SFR1: variants seen among roughly 807,000 people sequenced by gnomAD.
SFR1 encodes the protein SWI5 dependent homologous recombination repair protein 1.
A neutral mutation model predicts 26.2 loss-of-function variants in SFR1; 24 were observed. The ratio of observed to expected loss-of-function variants is 0.92; its 90% confidence interval spans 0.66 to 1.29. The LOEUF (loss-of-function observed/expected upper bound fraction) is 1.29, where lower values mean the gene tolerates loss of function less well. Ranked by LOEUF, SFR1 falls within the 50% of genes most tolerant of loss-of-function variation. SFR1 has a pLI of 0.00. For missense variants in SFR1, 276 were observed against 270.2 expected (o/e 1.02, Z -0.15); for synonymous variants, 77 against 96.6 (o/e 0.80, Z 1.19).
At chr10:104,123,633 A>C in intron 2 of SFR1, 81 bp from the exon 3 acceptor site, 6 of 1,139,738 alleles carry the variant, frequency 5.3e-6, no homozygotes, top group Non-Finnish European at 7.3e-6. Flanking sequence ...ATAGAAATGG[A>C]AGGACTTTAT....
At position 104,125,976 on chromosome 10, in the gene SFR1, G is replaced by A. The variant is rs2087023576; in HGVS notation, c.*272G>A. The A allele has an allele frequency of 4.4e-6, 1 of 228,256 alleles. No individual in the cohort carries two copies. Among genetic ancestry groups the A allele is most frequent in the Non-Finnish European group, 8.7e-6 (1 of 114,370 alleles). The allele number at this position is 228,256 out of a possible 1,614,324, so 14.1% of individuals were successfully genotyped here. ...AGACTGGGTTTCACCACGTTGGCCA[G>A]GCTGGTCTCGAACTCCTGACCTCAG... On this transcript the variant is annotated 3_prime_UTR_variant, in exon 4 of 4. Coordinates refer to ENST00000369727, the MANE Select transcript of SFR1 (RefSeq NM_001002759.2).
Position 104,124,076 on chromosome 10 carries a change from A to G in SFR1, c.498A>G (p.Lys166=), listed in dbSNP as rs750715117. 11 of 1,613,452 alleles carry G rather than the reference A, an allele frequency of 6.8e-6. No homozygotes were observed. Among genetic ancestry groups the G allele is most frequent in the East Asian group, 2.2e-5 (1 of 44,858 alleles). Residue 166 remains lysine, a synonymous_variant, in exon 3 of 4, where the codon AAA becomes AAG. Transcript: ENST00000369727. The part of the protein sequence containing the change: ...KAKLVKQVQE[K]EDLLRRLKLV... Reference sequence around the variant, plus strand: ...AATTGGTGAAGCAGGTTCAGGAGAAAGAAGACCTTCTTCGGAGGCTAAAAC... The same window carrying G: ...AATTGGTGAAGCAGGTTCAGGAGAAGGAAGACCTTCTTCGGAGGCTAAAAC...
chr10:104,121,717 G>A (rs1164261802), upstream of SFR1, among the ~76,000 whole-genome samples: 1 of 152,202 alleles, frequency 6.6e-6, no homozygotes, highest in Non-Finnish European at 1.5e-5. Flanking sequence ...GGTGGGGAGA[G>A]GCACTTTCAG....
chr10:104,122,927 G>T, intron 1 of SFR1, 38 bp from the exon 2 acceptor site: 1 of 1,605,660 alleles, frequency 6.2e-7, no homozygotes. Context: ...ATAGAGAGGT[G>T]TGGTTAATTC....
chr10:104,125,026 C>G (rs769431786), intron 3 of SFR1, among the ~76,000 whole-genome samples: 11 of 152,140 alleles, frequency 7.2e-5, no homozygotes, highest in Non-Finnish European at 1.3e-4. Flanking sequence ...TAGTCTTGAA[C>G]TCCTGGGCTC....
At chr10:104,122,223 C>G (rs1483377184) in intron 1 of SFR1, 27 bp downstream of exon 1, 2 of 1,532,264 alleles carry the variant, frequency 1.3e-6, no homozygotes, top group African/African-American at 2.8e-5. Flanking sequence ...AAGGGGGGAT[C>G]CCTGACACCT....
chr10:104,125,451 C>T, intron 3 of SFR1, 62 bp from the exon 4 acceptor site: 1 of 1,369,822 alleles, frequency 7.3e-7, no homozygotes, highest in East Asian at 2.3e-5. Flanking sequence ...AATTTAACAA[C>T]TTTAATTAAG....
upstream of SFR1, chr10:104,122,164 C>T (rs904891849): frequency 5.2e-6 from 8 of 1,548,704 alleles, no homozygotes; most frequent in South Asian, 4.8e-5. Flanking sequence ...GGTGCGCGCG[C>T]TTTTTTGCTC....
At chr10:104,120,808 C>A (rs2134696547), upstream of SFR1, among the ~76,000 whole-genome samples, 1 of 152,306 alleles carries the variant, frequency 6.6e-6, no homozygotes, top group South Asian at 2.1e-4. Context: ...CGCCCCTAAT[C>A]ATTCCCTTAG....
At chr10:104,123,514 C>G (rs999148) in intron 2 of SFR1, among the ~76,000 whole-genome samples, 200 bp from the exon 3 acceptor site, 1 of 152,140 alleles carries the variant, frequency 6.6e-6, no homozygotes, top group East Asian at 1.9e-4. Flanking sequence ...AGGTGTTGAT[C>G]TTGCTGAAGT....
At position 104,122,863 on chromosome 10, in the gene SFR1, T is replaced by TAA. The variant is rs1385357935; in HGVS notation, c.14-101_14-100insAA. 5 of 1,559,788 alleles carry TAA rather than the reference T, an allele frequency of 3.2e-6. No homozygotes were observed. The African/African-American group carries it at 6.8e-5, about 21-fold the overall frequency. Reference sequence around the variant, plus strand: ...GTGAAATTAGAAGAAATATCTGGCTTACTTGTGGATGCTTTGTACACCAAT... The same window carrying TAA: ...GTGAAATTAGAAGAAATATCTGGCTTAAACTTGTGGATGCTTTGTACACCAAT... On this transcript the variant is annotated intron_variant, in intron 1 of 3. Transcript: ENST00000369727.
intron 3 of SFR1, among the ~76,000 whole-genome samples, 189 bp downstream of exon 3, chr10:104,124,313 CTTTTTAAGAA>C (rs1282924116): frequency 6.6e-6 from 1 of 151,916 alleles, no homozygotes; most frequent in Non-Finnish European, 1.5e-5. Flanking sequence ...CCAGGTAAAA[CTTTTTAAGAA>C]TCTCAGCTCT....
At position 104,124,000 on chromosome 10, in the gene SFR1, A is replaced by G. The variant is rs1446030384; in HGVS notation, c.422A>G (p.Glu141Gly). ...DSGSCSALQN[E>G]FVSEKLPKQR... is the part of the protein sequence containing the mutation. ...GGATCATGCAGTGCTCTCCAAAATG[A>G]GTTTGTGAGTGAGAAGCTTCCTAAA... Residue 141 changes from glutamate to glycine, a missense_variant, in exon 3 of 4, where the codon GAG (glutamate) becomes GGG (glycine). Physicochemically the swap from Glu to Gly is moderately conservative, Grantham distance 98. Coordinates refer to ENST00000369727, the MANE Select transcript of SFR1 (RefSeq NM_001002759.2). The G allele has an allele frequency of 1.2e-6, 2 of 1,614,066 alleles. No homozygotes were observed. The highest frequency in any genetic ancestry group is 1.7e-6 in the Non-Finnish European group (2 of 1,179,970).
At chr10:104,124,485 G>A (rs1308995269) in intron 3 of SFR1, among the ~76,000 whole-genome samples, 1 of 151,326 alleles carries the variant, frequency 6.6e-6, no homozygotes, top group Non-Finnish European at 1.5e-5. Context: ...ACAATAAAAG[G>A]TATTTTTAGT....
chr10:104,124,132 G>A lies in SFR1; in HGVS notation c.546+8G>A. 1 of 1,517,878 alleles carries A rather than the reference G, an allele frequency of 6.6e-7. No individual in the cohort carries two copies. Among genetic ancestry groups the A allele is most frequent in the Non-Finnish European group, 8.8e-7 (1 of 1,133,830 alleles). The allele number at this position is 1,517,878 out of a possible 1,614,324, so 94.0% of individuals were successfully genotyped here. A position where few individuals can be genotyped will look rare whatever the true frequency, so the allele number is the denominator to read the frequency against. ...AAAATGTATAGATCAAAGGTGAGAAGAATTTCAGGACCATTGCATAATTTT... is the reference window on the plus strand; with the variant it reads ...AAAATGTATAGATCAAAGGTGAGAAAAATTTCAGGACCATTGCATAATTTT... On this transcript the variant is annotated splice_region_variant and intron_variant, in intron 3 of 3. Coordinates refer to ENST00000369727, the MANE Select transcript of SFR1 (RefSeq NM_001002759.2).
At chr10:104,123,159 C>T in intron 2 of SFR1, 73 bp downstream of exon 2, 2 of 1,180,178 alleles carry the variant, frequency 1.7e-6, no homozygotes, top group East Asian at 2.4e-5. Flanking sequence ...GGTTTAAATT[C>T]TACGGAAGGT....
chr10:104,121,126 G>A (rs1194423781), upstream of SFR1, among the ~76,000 whole-genome samples: 1 of 151,706 alleles, frequency 6.6e-6, no homozygotes, highest in Admixed American at 6.6e-5. Context: ...GGATTTTCTC[G>A]ACTGAGGATG....
Position 104,125,796 on chromosome 10 carries a change from G to C in SFR1, c.*92G>C. 1 of 793,090 alleles carries C rather than the reference G, an allele frequency of 1.3e-6. No individual in the cohort carries two copies. Among genetic ancestry groups the C allele is most frequent in the Non-Finnish European group, 2.0e-6 (1 of 506,688 alleles). The allele number at this position is 793,090 out of a possible 1,614,324, so 49.1% of individuals were successfully genotyped here. A position where few individuals can be genotyped will look rare whatever the true frequency, so the allele number is the denominator to read the frequency against. ...TTTTTTTTTTTTGAGACTGAGTTTC[G>C]CTCTTGTCATCCTGGCTGGAGTGTG... On this transcript the variant is annotated 3_prime_UTR_variant, in exon 4 of 4. Transcript: ENST00000369727.
At chr10:104,122,897 T>G in intron 1 of SFR1, 68 bp from the exon 2 acceptor site, 3 of 1,590,638 alleles carry the variant, frequency 1.9e-6, no homozygotes, top group Non-Finnish European at 2.6e-6. Flanking sequence ...ATACAATATA[T>G]TATTTGATAA....
Sources: allele counts gnomAD v4.1 joint callset (sites outside exome capture counted in the v4.1 genomes callset), GRCh38; gene constraint gnomAD v4.1.1; transcripts MANE v1.5; gene names NCBI Gene and HGNC (gene_info 2026-07-23, HGNC 2026-07-21).